GPC6: variants seen among roughly 807,000 people sequenced by gnomAD.
GPC6 encodes glypican-6.
GPC6 carries 14 observed loss-of-function variants against 55.2 expected under a neutral mutation model. The ratio of observed to expected loss-of-function variants is 0.25; its 90% CI spans 0.17 to 0.40. The LOEUF (loss-of-function observed/expected upper bound fraction) is 0.40, where lower values mean the gene tolerates loss of function less well. Among genes scored for constraint, GPC6 ranks in the 10% least tolerant of loss-of-function variants. The pLI, the probability that GPC6 is intolerant of heterozygous loss-of-function variation, is 1.00. For synonymous variants in GPC6, 278 were observed against 259.6 expected, an observed-to-expected ratio of 1.07 and a Z score of -0.68; for missense variants, 641 against 708.5, an observed-to-expected ratio of 0.90 and a Z score of 1.08.
intron 3 of GPC6, among the ~76,000 whole-genome samples, chr13:93,937,858 C>T (rs960354750): frequency 6.6e-6 from 1 of 152,204 alleles, no homozygotes; most frequent in Non-Finnish European, 1.5e-5. Context: ...GGATTACAGG[C>T]ATGAGCACCA....
chr13:94,117,499 C>G lies in GPC6; in HGVS notation c.877+89605C>G, dbSNP rs187623091. Among the ~76,000 whole-genome samples, 107 of 152,140 alleles carry G rather than the reference C, an allele frequency of 7.0e-4. 1 individual carries two copies. Among genetic ancestry groups the G allele is most frequent in the Admixed American group, 2.3e-3 (35 of 15,252 alleles). ...AATATAGGGCTTAGAGAACAATTAC[C>G]TAAATCACACATGCTCATAAAGAAT... On this transcript the variant is annotated intron_variant, in intron 4 of 8. Transcript: ENST00000377047.
intron 1 of GPC6, among the ~76,000 whole-genome samples, chr13:93,425,593 G>A (rs1877096089): frequency 6.6e-6 from 1 of 152,180 alleles, no homozygotes; most frequent in African/African-American, 2.4e-5. Context: ...CAGTCCTGGA[G>A]TCAAAGCCAA....
chr13:93,365,841 G>A (rs930619120), intron 1 of GPC6, among the ~76,000 whole-genome samples: 2 of 152,044 alleles, frequency 1.3e-5, no homozygotes, highest in South Asian at 2.1e-4. Context: ...TATGTAGAGT[G>A]TTGGCTCTTC....
intron 7 of GPC6, among the ~76,000 whole-genome samples, chr13:94,388,655 T>C (rs575176538): frequency 2.0e-5 from 3 of 152,342 alleles, no homozygotes; most frequent in Non-Finnish European, 4.4e-5. Context: ...CTCATAGTTC[T>C]AGAGGCTGGG....
At chr13:93,848,389 C>T (rs1319549240) in intron 3 of GPC6, among the ~76,000 whole-genome samples, 1 of 151,996 alleles carries the variant, frequency 6.6e-6, no homozygotes, top group Non-Finnish European at 1.5e-5. Flanking sequence ...ATATTTCTCC[C>T]TTTCCCGTGC....
chr13:93,536,120 G>C (rs953220644), intron 1 of GPC6, among the ~76,000 whole-genome samples: 32 of 152,202 alleles, frequency 2.1e-4, no homozygotes, highest in African/African-American at 7.0e-4. Flanking sequence ...CAAGGAATTA[G>C]GTTGCCAGGC....
intron 1 of GPC6, among the ~76,000 whole-genome samples, chr13:93,327,632 C>T (rs572086849): frequency 1.3e-5 from 2 of 152,240 alleles, no homozygotes; most frequent in South Asian, 2.1e-4. Context: ...CTCACAGTCT[C>T]AGTCTCCTTG....
chr13:94,104,583 C>T (rs183523733), intron 4 of GPC6, among the ~76,000 whole-genome samples: 90 of 152,102 alleles, frequency 5.9e-4, no homozygotes, highest in African/African-American at 2.0e-3. Context: ...TCGTCTCAGC[C>T]CAAAATCTTA....
chr13:93,963,678 ATTG>A (rs562064903), intron 3 of GPC6, among the ~76,000 whole-genome samples: 54 of 152,254 alleles, frequency 3.5e-4, no homozygotes, highest in Non-Finnish European at 5.1e-4. Context: ...TATCTTTGGA[ATTG>A]TTGTGACATT....
chr13:93,915,537 A>G (rs7337517), intron 3 of GPC6, among the ~76,000 whole-genome samples: 72,314 of 152,086 alleles, frequency 0.48, 17,834 homozygotes, highest in Non-Finnish European at 0.52. Context: ...TTTATTTACT[A>G]TGAATGAGAA....
intron 3 of GPC6, among the ~76,000 whole-genome samples, chr13:93,860,732 A>G (rs1241652400): frequency 6.6e-6 from 1 of 151,714 alleles, no homozygotes; most frequent in Non-Finnish European, 1.5e-5. Context: ...ATGAAAAAAG[A>G]TAAATTAGAA....
At chr13:93,610,948 T>A (rs899250860) in intron 2 of GPC6, among the ~76,000 whole-genome samples, 4 of 152,106 alleles carry the variant, frequency 2.6e-5, no homozygotes, top group Admixed American at 2.6e-4. Context: ...ATAAGAGATA[T>A]CAGAAATTTA....
Position 94,311,294 on chromosome 13 carries a change from G to A in GPC6, c.1152+5171G>A, listed in dbSNP as rs146950932. ...AGTGATTCACCTGCCTTGGCCTCCCGAGTAGCTGGGATTACAGGTGCACAC... is the reference window on the plus strand; with the variant it reads ...AGTGATTCACCTGCCTTGGCCTCCCAAGTAGCTGGGATTACAGGTGCACAC... On this transcript the variant is annotated intron_variant, in intron 6 of 8. Coordinates refer to ENST00000377047, the MANE Select transcript of GPC6 (RefSeq NM_005708.5). Among the ~76,000 whole-genome samples, 326 of 151,092 alleles carry A rather than the reference G, an allele frequency of 2.2e-3. 1 individual carries two copies. The highest frequency in any genetic ancestry group is 7.0e-3 in the African/African-American group (287 of 41,050).
At chr13:94,365,889 G>T (rs1879266519) in intron 6 of GPC6, among the ~76,000 whole-genome samples, 1 of 152,090 alleles carries the variant, frequency 6.6e-6, no homozygotes, top group Non-Finnish European at 1.5e-5. Context: ...TCTCAGCTTC[G>T]GTGTGGAAGA....
chr13:93,310,644 T>C (rs1426886738), intron 1 of GPC6, among the ~76,000 whole-genome samples: 1 of 152,210 alleles, frequency 6.6e-6, no homozygotes, highest in African/African-American at 2.4e-5. Flanking sequence ...GGAAAGTTAG[T>C]CTACTATATA....
intron 2 of GPC6, among the ~76,000 whole-genome samples, chr13:93,769,743 T>A (rs1401390604): frequency 6.6e-6 from 1 of 152,194 alleles, no homozygotes; most frequent in Non-Finnish European, 1.5e-5. Context: ...AGAAGTTGGC[T>A]TGCACACACA....
At chr13:93,333,428 A>G (rs1879922922) in intron 1 of GPC6, among the ~76,000 whole-genome samples, 1 of 151,460 alleles carries the variant, frequency 6.6e-6, no homozygotes, top group Non-Finnish European at 1.5e-5. Flanking sequence ...TTGGTTGAAT[A>G]TATTACTAGT....
intron 2 of GPC6, among the ~76,000 whole-genome samples, chr13:93,724,288 GTTC>G (rs1353948268): frequency 1.3e-5 from 2 of 151,856 alleles, no homozygotes; most frequent in African/African-American, 4.8e-5. Flanking sequence ...TGTTACTAAT[GTTC>G]TTCTTGATTC....
chr13:93,624,601 GT>G (rs1417000236), intron 2 of GPC6, among the ~76,000 whole-genome samples: 19 of 152,312 alleles, frequency 1.2e-4, no homozygotes, highest in African/African-American at 4.6e-4. Flanking sequence ...AATAGCAGGT[GT>G]GTAGCACTTA....
Sources: allele counts gnomAD v4.1 joint callset (sites outside exome capture counted in the v4.1 genomes callset), GRCh38; gene constraint gnomAD v4.1.1; transcripts MANE v1.5; gene names NCBI Gene and HGNC (gene_info 2026-07-23, HGNC 2026-07-21).